The following POU6F2 variants were observed in gnomAD, a reference collection of about 807,000 sequenced individuals.
POU6F2 encodes POU class 6 homeobox 2, also known as POU domain, class 6, transcription factor 2.
A neutral mutation model predicts 71.3 loss-of-function variants in POU6F2; 31 were observed. The ratio of observed to expected loss-of-function variants is 0.43; its 90% confidence interval spans 0.33 to 0.59. The LOEUF (loss-of-function observed/expected upper bound fraction) is 0.59, where lower values mean the gene tolerates loss of function less well. Among genes scored for constraint, POU6F2 ranks in the 20% least tolerant of loss-of-function variants. The pLI is 0.04. For synonymous variants in POU6F2, 347 were observed against 355.7 expected, an observed-to-expected ratio of 0.98 and a Z score of 0.27; for missense variants, 783 against 856.8, an observed-to-expected ratio of 0.91 and a Z score of 1.07.
chr7:39,113,412 GA>G (rs1211109000), intron 2 of POU6F2, among the ~76,000 whole-genome samples: 1 of 152,066 alleles, frequency 6.6e-6, no homozygotes, highest in African/African-American at 2.4e-5. Context: ...CTCACCAAGG[GA>G]AAAACAAACT....
intron 2 of POU6F2, among the ~76,000 whole-genome samples, chr7:39,165,893 T>C (rs897220832): frequency 2.6e-5 from 4 of 152,218 alleles, no homozygotes; most frequent in Non-Finnish European, 4.4e-5. Flanking sequence ...AGTCCCAAAC[T>C]TTCCAAATCC....
intron 4 of POU6F2, among the ~76,000 whole-genome samples, chr7:39,264,272 G>A (rs1247764953): frequency 6.6e-6 from 1 of 152,174 alleles, no homozygotes; most frequent in Non-Finnish European, 1.5e-5. Flanking sequence ...TGCTCTATTG[G>A]TGTTAGCTGT....
intron 6 of POU6F2, among the ~76,000 whole-genome samples, chr7:39,426,073 T>A (rs1366670526): frequency 1.3e-5 from 2 of 152,214 alleles, no homozygotes; most frequent in Non-Finnish European, 2.9e-5. Context: ...TTCCTGCTGC[T>A]TGCTGCTGTG....
chr7:39,126,681 A>T (rs1792144173), intron 2 of POU6F2, among the ~76,000 whole-genome samples: 1 of 152,236 alleles, frequency 6.6e-6, no homozygotes, highest in Admixed American at 6.5e-5. Context: ...TTGATGATTC[A>T]GATCTATCTC....
intron 4 of POU6F2, among the ~76,000 whole-genome samples, chr7:39,259,734 G>T (rs1784094882): frequency 1.3e-5 from 2 of 152,152 alleles, no homozygotes; most frequent in African/African-American, 4.8e-5. Context: ...TTCTCTCTCT[G>T]CTGGCCTCCT....
chr7:39,131,989 A>G lies in POU6F2; in HGVS notation c.277+45958A>G, dbSNP rs536837705. 3.3e-5 allele frequency among the ~76,000 whole-genome samples: 5 copies of G among 152,322 alleles called. No individual in the cohort carries two copies. In the East Asian group the frequency reaches 9.6e-4, roughly 29 times the overall value. On this transcript the variant is annotated intron_variant, in intron 2 of 9. Coordinates refer to ENST00000518318, the MANE Select transcript of POU6F2 (RefSeq NM_001370959.1). Reference sequence around the variant, plus strand: ...GGGGTATCCATCCCCTCAAGCACTTATCCTTTGTGTTACAAACAATCCAAT... The same window carrying G: ...GGGGTATCCATCCCCTCAAGCACTTGTCCTTTGTGTTACAAACAATCCAAT...
intron 2 of POU6F2, among the ~76,000 whole-genome samples, chr7:39,200,786 G>A (rs1452971161): frequency 1.3e-5 from 2 of 151,852 alleles, no homozygotes; most frequent in Admixed American, 1.3e-4. Flanking sequence ...AATGTGGGAG[G>A]ATCACTTGAG....
chr7:39,406,891 T>C (rs1199555507), intron 6 of POU6F2, 151 bp downstream of exon 6: 5 of 1,143,836 alleles, frequency 4.4e-6, no homozygotes, highest in Non-Finnish European at 6.3e-6. Context: ...AGGAGAAGGG[T>C]TGGGAGGTGT....
chr7:39,091,262 T>C (rs920488100), intron 2 of POU6F2, among the ~76,000 whole-genome samples: 1 of 152,142 alleles, frequency 6.6e-6, no homozygotes, highest in Non-Finnish European at 1.5e-5. Context: ...CAGTGCACAA[T>C]ATGTGTCAGA....
intron 4 of POU6F2, among the ~76,000 whole-genome samples, chr7:39,312,236 A>C (rs1449541905): frequency 3.3e-5 from 5 of 152,232 alleles, no homozygotes; most frequent in Non-Finnish European, 7.3e-5. Flanking sequence ...TCAGCATGAC[A>C]AAATAAGTTC....
chr7:39,183,833 G>A (rs1379321142), intron 2 of POU6F2, among the ~76,000 whole-genome samples: 5 of 152,026 alleles, frequency 3.3e-5, no homozygotes, highest in Non-Finnish European at 7.4e-5. Context: ...GCAACTATTC[G>A]TTATCCACAA....
intron 4 of POU6F2, among the ~76,000 whole-genome samples, chr7:39,217,457 C>T (rs1487636941): frequency 6.6e-6 from 1 of 152,114 alleles, no homozygotes; most frequent in Non-Finnish European, 1.5e-5. Context: ...GTGATGACCA[C>T]ACTCAGAAAG....
intron 4 of POU6F2, among the ~76,000 whole-genome samples, chr7:39,265,797 A>T (rs1479073017): frequency 6.6e-6 from 1 of 152,176 alleles, no homozygotes; most frequent in African/African-American, 2.4e-5. Flanking sequence ...TGCTTAACTA[A>T]ATGAATCCCA....
At chr7:39,251,432 A>G (rs1231278132) in intron 4 of POU6F2, among the ~76,000 whole-genome samples, 1 of 152,174 alleles carries the variant, frequency 6.6e-6, no homozygotes, top group East Asian at 1.9e-4. Context: ...CTTGGAGAAG[A>G]GCTGGGTCTC....
At chr7:39,355,004 C>T (rs957212549) in intron 5 of POU6F2, among the ~76,000 whole-genome samples, 5 of 152,214 alleles carry the variant, frequency 3.3e-5, no homozygotes, top group African/African-American at 1.2e-4. Context: ...TTTATACTCT[C>T]TGCCCCCAGT....
chr7:39,261,324 C>T (rs1784136407), intron 4 of POU6F2, among the ~76,000 whole-genome samples: 1 of 152,238 alleles, frequency 6.6e-6, no homozygotes, highest in Non-Finnish European at 1.5e-5. Context: ...ATCACATCTT[C>T]TCTGTTAACT....
chr7:39,264,788 A>G (rs1404312789), intron 4 of POU6F2, among the ~76,000 whole-genome samples: 1 of 152,218 alleles, frequency 6.6e-6, no homozygotes, highest in East Asian at 1.9e-4. Flanking sequence ...ACATACATAT[A>G]TGTGTGTACA....
chr7:39,071,439 C>A (rs1041996139), intron 1 of POU6F2, among the ~76,000 whole-genome samples: 2 of 152,020 alleles, frequency 1.3e-5, no homozygotes, highest in African/African-American at 4.8e-5. Context: ...AGGCCACAGA[C>A]TGGTCTGTGG....
intron 2 of POU6F2, among the ~76,000 whole-genome samples, chr7:39,168,426 A>T (rs1305780912): frequency 6.6e-6 from 1 of 152,228 alleles, no homozygotes; most frequent in Non-Finnish European, 1.5e-5. Context: ...TCTTTCTACT[A>T]ATGTAACAAT....
Sources: gnomAD v4.1 joint callset for allele counts (sites outside exome capture counted in the v4.1 genomes callset) on GRCh38, gnomAD v4.1.1 for gene constraint, MANE v1.5 for transcripts, NCBI Gene and HGNC (gene_info 2026-07-23, HGNC 2026-07-21) for gene names.